Variants in MKX observed in about 807,000 individuals in gnomAD.
MKX encodes the protein homeobox protein Mohawk.
Under a neutral mutation model 36.0 loss-of-function variants are expected in MKX, and 13 were observed. The ratio of observed to expected loss-of-function variants is 0.36; its 90% CI spans 0.24 to 0.57. MKX has a LOEUF of 0.57. Among genes scored for constraint, MKX ranks in the 20% least tolerant of loss-of-function variants. MKX has a pLI of 0.79. For missense variants in MKX, 458 were observed against 456.4 expected (o/e 1.00, Z -0.03); for synonymous variants, 176 against 178.3 (o/e 0.99, Z 0.10).
chr10:27,691,020 G>A (rs1426058741), intron 5 of MKX, among the ~76,000 whole-genome samples: 1 of 152,086 alleles, frequency 6.6e-6, no homozygotes, highest in African/African-American at 2.4e-5. Flanking sequence ...TGTGAAGAAG[G>A]TGCCTGCTTC....
chr10:27,721,236 C>T (rs1834369772), intron 5 of MKX, among the ~76,000 whole-genome samples: 1 of 139,084 alleles, frequency 7.2e-6, no homozygotes, highest in African/African-American at 2.7e-5. Flanking sequence ...ACAATAAATT[C>T]AAGGACCTAG....
rs754475857 is a variant in MKX at position 27,708,727 on chromosome 10, C to CA, written c.838+25728dup. On this transcript the variant is annotated intron_variant, in intron 5 of 6. Transcript: ENST00000419761. ...TGGGTGACAGAGCGAGACTTCTTTT[C>CA]AAAAAAAAAAAAACGACTATTGCCA... 0.01 allele frequency among the ~76,000 whole-genome samples: 970 copies of CA among 96,352 alleles called. 16 individuals are homozygous for CA. In the East Asian group the frequency reaches 0.12, roughly 12 times the overall value. 63.2% of individuals were successfully genotyped at this position (96,352 alleles called of 152,430 possible).
intron 5 of MKX, among the ~76,000 whole-genome samples, chr10:27,711,231 G>A (rs564735584): frequency 2.0e-4 from 30 of 152,274 alleles, no homozygotes; most frequent in African/African-American, 6.3e-4. Context: ...ACTGGGAAAA[G>A]AATGCATCTC....
chr10:27,721,978 A>C (rs2132616090), intron 5 of MKX, among the ~76,000 whole-genome samples: 1 of 152,310 alleles, frequency 6.6e-6, no homozygotes, highest in African/African-American at 2.4e-5. Flanking sequence ...AGAAAAAAGT[A>C]GTCTGATCAT....
At chr10:27,695,435 G>GA (rs143932170) in intron 5 of MKX, among the ~76,000 whole-genome samples, 18,743 of 142,092 alleles carry the variant, frequency 0.13, 1,572 homozygotes, top group East Asian at 0.5. Flanking sequence ...AGGCTTAACA[G>GA]AAAAAAAAAA....
In MKX at chr10:27,673,891, TTACATACC is replaced by T. The variant is rs1405400771; in HGVS notation, c.*1330_*1337del. 6.6e-6 allele frequency: 1 copy of T among 151,760 alleles called. No individual in the cohort carries two copies. The highest frequency in any genetic ancestry group is 1.5e-5 in the Non-Finnish European group (1 of 67,964). 9.4% of individuals were successfully genotyped at this position (151,760 alleles called of 1,614,324 possible). On this transcript the variant is annotated 3_prime_UTR_variant, in exon 7 of 7. Transcript: ENST00000419761. ...CTTTCCAGTTTAAAAAAAAAATAGA[TTACATACC>T]CAGAAAAAAAAAATCCCATCATAAA...
chr10:27,711,472 T>TC (rs1491212042), intron 5 of MKX, among the ~76,000 whole-genome samples: 3 of 6,800 alleles, frequency 4.4e-4, no homozygotes, highest in African/African-American at 1.1e-3. Context: ...TCTTTCTTTC[T>TC]TTCTTTCTTT....
chr10:27,714,515 A>G (rs1216357725), intron 5 of MKX, among the ~76,000 whole-genome samples: 1 of 152,174 alleles, frequency 6.6e-6, no homozygotes, highest in East Asian at 1.9e-4. Flanking sequence ...TCAAGACAAC[A>G]TTTTTGTGGT....
At chr10:27,726,754 C>CT (rs1168251424) in intron 5 of MKX, among the ~76,000 whole-genome samples, 1 of 144,604 alleles carries the variant, frequency 6.9e-6, no homozygotes, top group East Asian at 2.0e-4. Flanking sequence ...CTTTTTAAAA[C>CT]TTTTTTTAAA....
At chr10:27,724,921 A>T (rs1196358143) in intron 5 of MKX, among the ~76,000 whole-genome samples, 4 of 152,108 alleles carry the variant, frequency 2.6e-5, no homozygotes, top group Non-Finnish European at 5.9e-5. Context: ...TTATAATATC[A>T]ACTTGTGTAA....
At chr10:27,720,856 A>G (rs891082929) in intron 5 of MKX, among the ~76,000 whole-genome samples, 1 of 152,150 alleles carries the variant, frequency 6.6e-6, no homozygotes, top group Admixed American at 6.5e-5. Context: ...TCTGAAGATG[A>G]GATACTTGTG....
At chr10:27,724,277 C>CA (rs774009413) in intron 5 of MKX, among the ~76,000 whole-genome samples, 25 of 152,136 alleles carry the variant, frequency 1.6e-4, no homozygotes, top group Non-Finnish European at 3.1e-4. Flanking sequence ...GTACTGAAGT[C>CA]AGTGGGCAAG....
At chr10:27,693,113 TA>T (rs530096912) in intron 5 of MKX, among the ~76,000 whole-genome samples, 160 of 152,296 alleles carry the variant, frequency 1.1e-3, no homozygotes, top group African/African-American at 3.7e-3. Flanking sequence ...ACTAAACTGC[TA>T]ACGGTGGCCA....
At chr10:27,675,776 C>G (rs1397274532) in intron 5 of MKX, among the ~76,000 whole-genome samples, 1 of 152,132 alleles carries the variant, frequency 6.6e-6, no homozygotes, top group Non-Finnish European at 1.5e-5. Flanking sequence ...AAAGGTAGCT[C>G]TCATAGATAC....
At chr10:27,706,429 C>A (rs895041831) in intron 5 of MKX, among the ~76,000 whole-genome samples, 1 of 152,110 alleles carries the variant, frequency 6.6e-6, no homozygotes, top group African/African-American at 2.4e-5. Flanking sequence ...TATGTCAACT[C>A]TATTTTTAAT....
At chr10:27,726,775 C>T (rs1195518876) in intron 5 of MKX, among the ~76,000 whole-genome samples, 2 of 150,000 alleles carry the variant, frequency 1.3e-5, no homozygotes, top group African/African-American at 4.9e-5. Context: ...CCAATTCAAA[C>T]TTATTCAGGA....
At position 27,675,167 on chromosome 10, in the gene MKX, A is replaced by G; in HGVS notation, c.*62T>C. The G allele has an allele frequency of 6.6e-7, 1 of 1,505,208 alleles. No homozygotes were observed. The highest frequency in any genetic ancestry group is 9.0e-7 in the Non-Finnish European group (1 of 1,108,310). 93.2% of individuals were successfully genotyped at this position (1,505,208 alleles called of 1,614,324 possible). A position where few individuals can be genotyped will look rare whatever the true frequency, so the allele number is the denominator to read the frequency against. On this transcript the variant is annotated 3_prime_UTR_variant, in exon 7 of 7. Coordinates refer to ENST00000419761, the MANE Select transcript of MKX (RefSeq NM_173576.3). Reference sequence around the variant, plus strand: ...CATTTTCATCCCTGCTTCGGCTCTTAGGATGAGGGTTGATGAAAACACCGG... The same window carrying G: ...CATTTTCATCCCTGCTTCGGCTCTTGGGATGAGGGTTGATGAAAACACCGG...
chr10:27,711,499 T>TCTCTTCC (rs1554772224), intron 5 of MKX, among the ~76,000 whole-genome samples: 24 of 93,068 alleles, frequency 2.6e-4, no homozygotes, highest in South Asian at 2.2e-3. Context: ...CTCTCTCTTC[T>TCTCTTCC]TTCCTTCCTT....
Position 27,742,409 on chromosome 10 carries a change from C to G in MKX, c.188+819G>C, listed in dbSNP as rs1316556882. Among the ~76,000 whole-genome samples, 1 of 152,190 alleles carries G rather than the reference C, an allele frequency of 6.6e-6. No homozygotes were observed. The highest frequency in any genetic ancestry group is 1.5e-5 in the Non-Finnish European group (1 of 68,014). ...TGAAATGCAATTCCACCCGAAACGA[C>G]TGGTAGTAACATTTTGACGAAACCG... On this transcript the variant is annotated intron_variant, in intron 2 of 6. Coordinates refer to ENST00000419761, the MANE Select transcript of MKX (RefSeq NM_173576.3). The surrounding 1 kb of genome is among the most constrained non-coding windows in gnomAD (Gnocchi z 4.2).
Sources: allele counts gnomAD v4.1 joint callset (sites outside exome capture counted in the v4.1 genomes callset), GRCh38; gene constraint gnomAD v4.1.1; non-coding constraint Gnocchi (gnomAD v3.1); transcripts MANE v1.5; gene names NCBI Gene and HGNC (gene_info 2026-07-23, HGNC 2026-07-21).